The following COL24A1 variants were observed in gnomAD, a reference collection of about 807,000 sequenced individuals.
COL24A1 encodes the protein collagen alpha-1(XXIV) chain.
In COL24A1, 224 loss-of-function variants were observed where a neutral mutation model predicts 253.9. That is an observed-to-expected ratio of 0.88 (90% confidence interval 0.79 to 0.99). The LOEUF (loss-of-function observed/expected upper bound fraction) is 0.99. Among genes scored for constraint, COL24A1 ranks in the 50% least tolerant of loss-of-function variants. The pLI is 0.00. For missense variants in COL24A1, 2,131 were observed against 2,068.5 expected (o/e 1.03, Z -0.59); for synonymous variants, 685 against 673.7 (o/e 1.02, Z -0.26).
chr1:86,067,399 A>C (rs1701575843), intron 7 of COL24A1, among the ~76,000 whole-genome samples: 1 of 152,178 alleles, frequency 6.6e-6, no homozygotes, highest in Non-Finnish European at 1.5e-5. Flanking sequence ...AAAAAGCTTA[A>C]GCTTAATTTA....
At chr1:85,960,916 A>AGT (rs1690986529) in intron 24 of COL24A1, 2 of 177,242 alleles carry the variant, frequency 1.1e-5, no homozygotes, top group African/African-American at 2.4e-5. Flanking sequence ...TAAATAAATA[A>AGT]ATAAATAAAT....
In COL24A1 at chr1:85,911,428, A is replaced by T. The variant is rs369715762; in HGVS notation, c.2568T>A (p.Pro856=). 1 of 1,612,050 alleles carries T rather than the reference A, an allele frequency of 6.2e-7. No homozygotes were observed. The highest frequency in any genetic ancestry group is 8.5e-7 in the Non-Finnish European group (1 of 1,178,716). Reference sequence around the variant, plus strand: ...TCCCAACTTCTCCAGGTAAGCCAACAGGTCCCTTTTAGGAAAAAAAAATAA... The same window carrying T: ...TCCCAACTTCTCCAGGTAAGCCAACTGGTCCCTTTTAGGAAAAAAAAATAA... ...GNIGKIGETG[P]VGLPGEVGMT... The change falls in exon 25 of 60, where the codon CCT becomes CCA. Residue 856 remains proline, a synonymous_variant. Coordinates refer to ENST00000370571, the MANE Select transcript of COL24A1 (RefSeq NM_152890.7).
In COL24A1 at chr1:85,904,563, T is replaced by C. The variant is rs1002205717; in HGVS notation, c.2778+2631A>G. Among the ~76,000 whole-genome samples, 6 of 152,186 alleles carry C rather than the reference T, an allele frequency of 3.9e-5. 1 individual carries two copies. The highest frequency in any genetic ancestry group is 3.9e-4 in the Admixed American group (6 of 15,260). On this transcript the variant is annotated intron_variant, in intron 28 of 59. Coordinates refer to ENST00000370571, the MANE Select transcript of COL24A1 (RefSeq NM_152890.7). ...TTTGGTATGTTAAACTATTTCATTTTATTTAATTATTCTTCAGCTAAACAT... is the reference window on the plus strand; with the variant it reads ...TTTGGTATGTTAAACTATTTCATTTCATTTAATTATTCTTCAGCTAAACAT...
intron 20 of COL24A1, among the ~76,000 whole-genome samples, chr1:85,978,316 A>G (rs1329828088): frequency 6.6e-6 from 1 of 152,054 alleles, no homozygotes; most frequent in Non-Finnish European, 1.5e-5. Flanking sequence ...AACAACACAC[A>G]CACACAAAAC....
intron 43 of COL24A1, among the ~76,000 whole-genome samples, chr1:85,824,356 A>C (rs1290037956): frequency 6.6e-6 from 1 of 152,180 alleles, no homozygotes; most frequent in African/African-American, 2.4e-5. Context: ...AAAATTACAT[A>C]TCTATTGTTG....
At chr1:86,031,796 TAA>T in intron 14 of COL24A1, 80 bp downstream of exon 14, 1 of 1,107,206 alleles carries the variant, frequency 9.0e-7, no homozygotes, top group Non-Finnish European at 1.3e-6. Context: ...CTCATTTCCC[TAA>T]GTTTCAAAAA....
rs768842736 is a variant in COL24A1, at chr1:85,971,362, G to A, written c.2396C>T (p.Pro799Leu). Residue 799 changes from proline (P) to leucine (L), a missense_variant, in exon 21 of 60, where the codon CCT (proline) becomes CTT (leucine). Physicochemically the swap from Pro to Leu is moderately conservative, Grantham distance 98. Coordinates refer to ENST00000370571, the MANE Select transcript of COL24A1 (RefSeq NM_152890.7). ...TACCTGAGTTCCTTTGAGACCAGGA[G>A]GTCCAGGAGGTCCTCTATTTCCAAG... ...GLLGNRGPPG[P>L]PGLKGTQGEE... The A allele has an allele frequency of 1.9e-6, 3 of 1,612,322 alleles. No individual in the cohort carries two copies. Among genetic ancestry groups the A allele is most frequent in the Non-Finnish European group, 2.5e-6 (3 of 1,179,246 alleles).
chr1:85,848,340 C>T (rs1177621671), intron 38 of COL24A1, among the ~76,000 whole-genome samples: 1 of 152,106 alleles, frequency 6.6e-6, no homozygotes, highest in African/African-American at 2.4e-5. Flanking sequence ...GACCAAGTCT[C>T]ACTATATCAC....
chr1:86,017,027 T>G, intron 19 of COL24A1, 124 bp downstream of exon 19: 1 of 891,122 alleles, frequency 1.1e-6, no homozygotes, highest in Non-Finnish European at 1.7e-6. Context: ...TCCAAACTAT[T>G]TACGGAGATC....
At chr1:86,115,871 T>C (rs1025441955) in intron 3 of COL24A1, among the ~76,000 whole-genome samples, 1 of 152,226 alleles carries the variant, frequency 6.6e-6, no homozygotes, top group Non-Finnish European at 1.5e-5. Context: ...CCTTCTTGTA[T>C]ATCCATTAAT....
chr1:86,013,932 A>C (rs1454219141), intron 19 of COL24A1, among the ~76,000 whole-genome samples: 1 of 152,210 alleles, frequency 6.6e-6, no homozygotes, highest in Non-Finnish European at 1.5e-5. Context: ...TCACTCTCTC[A>C]CTTACTTTTC....
intron 43 of COL24A1, among the ~76,000 whole-genome samples, chr1:85,827,697 C>A (rs564960618): frequency 0.01 from 1,571 of 151,662 alleles, 22 homozygotes; most frequent in African/African-American, 0.036. Flanking sequence ...TCTAGATTTT[C>A]TAGTTTATTT....
At chr1:85,975,423 T>G (rs4912440) in intron 20 of COL24A1, among the ~76,000 whole-genome samples, 28,408 of 152,204 alleles carry the variant, frequency 0.19, 3,403 homozygotes, top group Non-Finnish European at 0.25. Context: ...CAATGGAATA[T>G]TATTCCACCA....
intron 19 of COL24A1, among the ~76,000 whole-genome samples, chr1:85,998,153 T>A (rs7516083): frequency 6.6e-6 from 1 of 151,628 alleles, no homozygotes; most frequent in African/African-American, 2.4e-5. Context: ...TTGAACTATT[T>A]GCAGTTTTCT....
chr1:86,048,770 G>A (rs969398851), intron 11 of COL24A1, among the ~76,000 whole-genome samples: 1 of 152,294 alleles, frequency 6.6e-6, no homozygotes, highest in East Asian at 1.9e-4. Flanking sequence ...GATTAGAGGC[G>A]TGAGCCACTG....
intron 49 of COL24A1, 45 bp from the exon 50 acceptor site, chr1:85,784,211 C>G (rs41517544): frequency 1.2e-6 from 2 of 1,610,934 alleles, no homozygotes; most frequent in Non-Finnish European, 1.7e-6. Context: ...ACAATGGCAG[C>G]CTGCTCTGTA....
chr1:86,143,477 T>C (rs1199038470), intron 2 of COL24A1, among the ~76,000 whole-genome samples: 4 of 152,024 alleles, frequency 2.6e-5, no homozygotes, highest in East Asian at 3.8e-4. Context: ...GGCTCAGTGA[T>C]AAAAAAATAT....
intron 22 of COL24A1, among the ~76,000 whole-genome samples, chr1:85,965,366 G>T (rs569945513): frequency 3.2e-4 from 48 of 152,046 alleles, no homozygotes; most frequent in African/African-American, 9.9e-4. Context: ...TATATAGTAT[G>T]TTAGGCAGTG....
intron 35 of COL24A1, among the ~76,000 whole-genome samples, 180 bp from the exon 36 acceptor site, chr1:85,869,015 TC>T (rs781440186): frequency 1.6e-4 from 24 of 152,152 alleles, no homozygotes; most frequent in Non-Finnish European, 3.4e-4. Context: ...CTTGAATAGC[TC>T]TGAAGATGAT....
Sources: allele counts gnomAD v4.1 joint callset (sites outside exome capture counted in the v4.1 genomes callset), GRCh38; gene constraint gnomAD v4.1.1; transcripts MANE v1.5; gene names NCBI Gene and HGNC (gene_info 2026-07-23, HGNC 2026-07-21).